Variants in CORIN observed in about 807,000 individuals in gnomAD.
The protein encoded by CORIN is corin, serine peptidase.
Under a neutral mutation model 125.3 loss-of-function variants are expected in CORIN, and 117 were observed. The ratio of observed to expected loss-of-function variants is 0.93; its 90% CI spans 0.80 to 1.09. The LOEUF (loss-of-function observed/expected upper bound fraction) is 1.09, where lower values mean the gene tolerates loss of function less well. Among genes scored for constraint, CORIN ranks in the 50% least tolerant of loss-of-function variants. The pLI is 0.00. For synonymous variants in CORIN, 450 were observed against 466.4 expected (o/e 0.96, Z 0.45); for missense variants, 1,253 against 1,306.7 (o/e 0.96, Z 0.63).
chr4:47,660,081 TG>T (rs945390361), intron 12 of CORIN, among the ~76,000 whole-genome samples: 4 of 152,138 alleles, frequency 2.6e-5, no homozygotes, highest in Non-Finnish European at 5.9e-5. Flanking sequence ...GAACACACAC[TG>T]GGGAAAGGAC....
intron 9 of CORIN, among the ~76,000 whole-genome samples, chr4:47,677,523 T>C (rs1725080396): frequency 6.6e-6 from 1 of 152,228 alleles, no homozygotes; most frequent in African/African-American, 2.4e-5. Flanking sequence ...TTAAAGTGTA[T>C]TGCTCGGTAA....
chr4:47,836,479 T>C (rs1181718381), intron 1 of CORIN, among the ~76,000 whole-genome samples: 3 of 152,226 alleles, frequency 2.0e-5, no homozygotes, highest in Non-Finnish European at 4.4e-5. Flanking sequence ...CTGACGTTCC[T>C]TTGCAGAGTT....
At chr4:47,696,315 A>G (rs1726002304) in intron 5 of CORIN, among the ~76,000 whole-genome samples, 1 of 152,208 alleles carries the variant, frequency 6.6e-6, no homozygotes, top group South Asian at 2.1e-4. Flanking sequence ...ATTTCCACTA[A>G]CTATAATTCT....
At chr4:47,746,007 G>A (rs755137333) in intron 4 of CORIN, among the ~76,000 whole-genome samples, 1 of 152,146 alleles carries the variant, frequency 6.6e-6, no homozygotes, top group African/African-American at 2.4e-5. Context: ...TTGAAGAAGA[G>A]GTTTTGTATT....
intron 5 of CORIN, among the ~76,000 whole-genome samples, chr4:47,694,672 G>C (rs960037328): frequency 1.9e-4 from 29 of 152,172 alleles, no homozygotes; most frequent in Admixed American, 1.9e-3. Context: ...GCCCATGTCT[G>C]TTATAGTTCC....
chr4:47,774,935 T>C (rs1730224156), intron 3 of CORIN, among the ~76,000 whole-genome samples: 1 of 152,164 alleles, frequency 6.6e-6, no homozygotes, highest in Non-Finnish European at 1.5e-5. Context: ...AGCGGAATGA[T>C]GGTTGCCAGA....
At chr4:47,606,738 T>C (rs922426135) in intron 19 of CORIN, among the ~76,000 whole-genome samples, 3 of 152,002 alleles carry the variant, frequency 2.0e-5, no homozygotes, top group Admixed American at 6.6e-5. Context: ...CTTCTTTTCC[T>C]TATTTCTTCC....
At chr4:47,748,918 A>G (rs1055843377) in intron 4 of CORIN, among the ~76,000 whole-genome samples, 6 of 152,212 alleles carry the variant, frequency 3.9e-5, no homozygotes, top group Non-Finnish European at 8.8e-5. Flanking sequence ...AACATCTTAC[A>G]TAACTGTAGC....
At chr4:47,729,410 C>T (rs1461001666) in intron 5 of CORIN, among the ~76,000 whole-genome samples, 1 of 152,108 alleles carries the variant, frequency 6.6e-6, no homozygotes, top group Non-Finnish European at 1.5e-5. Context: ...TGTAACAGCC[C>T]TACAGACAGT....
intron 12 of CORIN, among the ~76,000 whole-genome samples, chr4:47,658,945 C>T (rs75984343): frequency 0.013 from 1,910 of 152,316 alleles, 52 homozygotes; most frequent in African/African-American, 0.044. Flanking sequence ...GGCTGTTAGA[C>T]GCAGCCAGGC....
Position 47,751,016 on chromosome 4 carries a change from C to T in CORIN, c.618-6433G>A, listed in dbSNP as rs181735078. 2.7e-3 allele frequency among the ~76,000 whole-genome samples: 412 copies of T among 152,304 alleles called. 3 individuals are homozygous for T. The highest frequency in any genetic ancestry group is 4.1e-3 in the Non-Finnish European group (281 of 68,034). On this transcript the variant is annotated intron_variant, in intron 4 of 21. Transcript: ENST00000273857. ...TTGACATCTGGTGGGACTGTTTACACCACAAGAATCAGCAAATTATGCAAA... is the reference window on the plus strand; with the variant it reads ...TTGACATCTGGTGGGACTGTTTACATCACAAGAATCAGCAAATTATGCAAA...
chr4:47,649,178 T>C (rs1479860949), intron 13 of CORIN, among the ~76,000 whole-genome samples: 1 of 152,218 alleles, frequency 6.6e-6, no homozygotes, highest in African/African-American at 2.4e-5. Flanking sequence ...TCTTCACATA[T>C]GGGTGGCCCA....
chr4:47,824,980 AC>A (rs1039476284), intron 1 of CORIN, among the ~76,000 whole-genome samples: 1 of 152,198 alleles, frequency 6.6e-6, no homozygotes, highest in Non-Finnish European at 1.5e-5. Context: ...TTATCTGCTT[AC>A]AGACTTTCCA....
intron 5 of CORIN, among the ~76,000 whole-genome samples, chr4:47,711,680 A>G (rs971636725): frequency 3.9e-5 from 6 of 152,316 alleles, no homozygotes; most frequent in African/African-American, 1.2e-4. Context: ...AAGCCACTCT[A>G]TTTTGGGATC....
intron 5 of CORIN, among the ~76,000 whole-genome samples, chr4:47,697,769 C>T (rs1460524570): frequency 1.3e-5 from 2 of 151,532 alleles, no homozygotes; most frequent in African/African-American, 4.8e-5. Context: ...AGTGAGAATT[C>T]CCATGAGGAG....
chr4:47,694,266 T>A (rs1725890024), intron 5 of CORIN, among the ~76,000 whole-genome samples: 1 of 152,228 alleles, frequency 6.6e-6, no homozygotes, highest in African/African-American at 2.4e-5. Flanking sequence ...TTATCTTTGG[T>A]ATTAGGATTA....
chr4:47,798,212 C>A (rs573286635), intron 2 of CORIN, among the ~76,000 whole-genome samples: 1 of 152,290 alleles, frequency 6.6e-6, no homozygotes, highest in Non-Finnish European at 1.5e-5. Context: ...TATTTGACAA[C>A]CCACCTCTCG....
chr4:47,633,492 G>A (rs1722917770), intron 16 of CORIN, among the ~76,000 whole-genome samples: 1 of 152,052 alleles, frequency 6.6e-6, no homozygotes, highest in Non-Finnish European at 1.5e-5. Context: ...ATAAAATTCA[G>A]TCTTATAAAA....
chr4:47,699,224 A>G (rs1011121623), intron 5 of CORIN, among the ~76,000 whole-genome samples: 3 of 152,204 alleles, frequency 2.0e-5, no homozygotes, highest in Non-Finnish European at 4.4e-5. Flanking sequence ...TATACTTACA[A>G]TCTAAAAATG....
Sources: allele counts gnomAD v4.1 joint callset (sites outside exome capture counted in the v4.1 genomes callset), GRCh38; gene constraint gnomAD v4.1.1; transcripts MANE v1.5; gene names NCBI Gene and HGNC (gene_info 2026-07-23, HGNC 2026-07-21).